The following INSIG2 variants were observed in gnomAD, a reference collection of about 807,000 sequenced individuals.
The protein encoded by INSIG2 is insulin induced gene 2, also known as insulin-induced gene 2 protein.
In INSIG2, 10 loss-of-function variants were observed where a neutral mutation model predicts 27.2. That is an observed-to-expected ratio of 0.37 (90% CI 0.23 to 0.62). INSIG2 has a LOEUF of 0.62. INSIG2 is among the 20% of genes least tolerant of loss of function. The pLI, the probability that INSIG2 is intolerant of heterozygous loss-of-function variation, is 0.65. For synonymous variants in INSIG2, 97 were observed against 95.8 expected, an observed-to-expected ratio of 1.01 and a Z score of -0.07; for missense variants, 178 against 270.2, an observed-to-expected ratio of 0.66 and a Z score of 2.39.
intron 2 of INSIG2, among the ~76,000 whole-genome samples, chr2:118,098,424 A>G (rs770273053): frequency 2.6e-5 from 4 of 152,152 alleles, no homozygotes; most frequent in Non-Finnish European, 5.9e-5. Context: ...GAGATGAAGA[A>G]AGAAAACCAG....
At chr2:118,101,979 T>C (rs1290607773) in intron 2 of INSIG2, among the ~76,000 whole-genome samples, 1 of 152,200 alleles carries the variant, frequency 6.6e-6, no homozygotes, top group Non-Finnish European at 1.5e-5. Context: ...TCTGCTAGGC[T>C]GTGATTTTTG....
intron 2 of INSIG2, among the ~76,000 whole-genome samples, chr2:118,102,036 G>A (rs1213897851): frequency 1.3e-5 from 2 of 152,182 alleles, no homozygotes; most frequent in Admixed American, 1.3e-4. Flanking sequence ...TGCATTGCCT[G>A]TGAGATACAG....
At chr2:118,097,579 A>G (rs893836952) in intron 2 of INSIG2, among the ~76,000 whole-genome samples, 2 of 152,170 alleles carry the variant, frequency 1.3e-5, no homozygotes, top group Non-Finnish European at 2.9e-5. Flanking sequence ...CATAGAGTAG[A>G]GCATTTCACA....
chr2:118,089,807 CAGTTCAGT>C (rs1365319583), intron 1 of INSIG2, among the ~76,000 whole-genome samples: 2 of 152,210 alleles, frequency 1.3e-5, no homozygotes, highest in Non-Finnish European at 2.9e-5. Context: ...GAATAAAATG[CAGTTCAGT>C]AGTTTAAAGA....
Position 118,109,530 on chromosome 2 carries a change from T to A in INSIG2, c.*1208T>A, listed in dbSNP as rs1678761743. The A allele has an allele frequency of 6.6e-6, 1 of 152,506 alleles. No individual in the cohort carries two copies. Among genetic ancestry groups the A allele is most frequent in the Non-Finnish European group, 1.5e-5 (1 of 68,042 alleles). 9.4% of individuals were successfully genotyped at this position (152,506 alleles called of 1,614,324 possible). On this transcript the variant is annotated 3_prime_UTR_variant, in exon 6 of 6. Transcript: ENST00000245787. ...CATATTCTTAGCTAATTTTTTCCATTAGTTTTTGAAATTGGTGGCAGTTGT... is the reference window on the plus strand; with the variant it reads ...CATATTCTTAGCTAATTTTTTCCATAAGTTTTTGAAATTGGTGGCAGTTGT...
Position 118,108,532 on chromosome 2 carries a change from T to G in INSIG2, c.*210T>G. ...CATCTGTAAATCAGTTGTAAACCTT[T>G]ACATATTTGACTTAAATAACTGTAA... On this transcript the variant is annotated 3_prime_UTR_variant, in exon 6 of 6. Coordinates refer to ENST00000245787, the MANE Select transcript of INSIG2 (RefSeq NM_016133.4). The G allele has an allele frequency of 2.3e-6, 1 of 425,584 alleles. No individual in the cohort carries two copies. The highest frequency in any genetic ancestry group is 4.2e-6 in the Non-Finnish European group (1 of 235,754). The allele number at this position is 425,584 out of a possible 1,614,324, so 26.4% of individuals were successfully genotyped here.
chr2:118,106,967 A>G, intron 4 of INSIG2, 64 bp downstream of exon 4: 1 of 1,567,500 alleles, frequency 6.4e-7, no homozygotes, highest in Non-Finnish European at 8.8e-7. Flanking sequence ...AACCGCTTTC[A>G]GAATTGAGAT....
chr2:118,106,544 G>A (rs1678676579), intron 3 of INSIG2, 193 bp from the exon 4 acceptor site: 2 of 512,906 alleles, frequency 3.9e-6, no homozygotes, highest in East Asian at 3.0e-5. Flanking sequence ...TGTCTTTTGT[G>A]TATCTGGTAT....
intron 2 of INSIG2, among the ~76,000 whole-genome samples, chr2:118,099,338 A>G (rs2161829): frequency 0.53 from 81,076 of 152,000 alleles, 21,826 homozygotes; most frequent in Middle Eastern, 0.6. Context: ...TGTGTGTAGA[A>G]AGTGCTCCTT....
intron 2 of INSIG2, among the ~76,000 whole-genome samples, chr2:118,100,382 T>TC (rs1289812727): frequency 2.2e-4 from 30 of 137,116 alleles, no homozygotes; most frequent in Admixed American, 5.1e-4. Flanking sequence ...CCTTTTTTTT[T>TC]TTTTTTTTTT....
intron 1 of INSIG2, among the ~76,000 whole-genome samples, chr2:118,092,780 ATGGG>A (rs1473299518): frequency 6.6e-6 from 1 of 151,932 alleles, no homozygotes; most frequent in African/African-American, 2.4e-5. Flanking sequence ...CCTTCCATAA[ATGGG>A]TGCCCTATAA....
intron 1 of INSIG2, among the ~76,000 whole-genome samples, chr2:118,090,456 A>G (rs1388751962): frequency 6.6e-6 from 1 of 152,238 alleles, no homozygotes; most frequent in East Asian, 1.9e-4. Context: ...ATAATCACTT[A>G]TAACTCTTTT....
intron 5 of INSIG2, among the ~76,000 whole-genome samples, chr2:118,107,705 T>C (rs933491499): frequency 6.6e-6 from 1 of 152,222 alleles, no homozygotes; most frequent in Non-Finnish European, 1.5e-5. Flanking sequence ...AGTGACTTAC[T>C]TTGCTGTATT....
rs577648785 is a variant in INSIG2 at position 118,107,154 on chromosome 2, A to G, written c.601A>G (p.Ile201Val). The change falls in exon 5 of 6, where the codon ATA becomes GTA. Residue 201 changes from isoleucine (I) to valine (V), a missense_variant. By Grantham distance (29) the Ile-to-Val change is conservative. Coordinates refer to ENST00000245787, the MANE Select transcript of INSIG2 (RefSeq NM_016133.4). ...ACCATGTATATTTTTTGCTGGAGGC[A>G]TAACAATGGGAAACATTGGTCGACA... ...WLPCIFFAGG[I>V]TMGNIGRQLA... The G allele has an allele frequency of 2.4e-5, 39 of 1,613,416 alleles. No individual in the cohort carries two copies. In the East Asian group the frequency reaches 4.2e-4, roughly 18 times the overall value.
intron 3 of INSIG2, among the ~76,000 whole-genome samples, chr2:118,104,758 CTG>C (rs1678632325): frequency 6.6e-6 from 1 of 152,174 alleles, no homozygotes; most frequent in South Asian, 2.1e-4. Context: ...AACCTCAAAA[CTG>C]TGTCAGTTCC....
Position 118,103,266 on chromosome 2 carries a change from G to C in INSIG2, c.314G>C (p.Trp105Ser). Residue 105 changes from tryptophan to serine, a missense_variant, in exon 3 of 6, where the codon TGG becomes TCG. Trp to Ser is a radical substitution (Grantham distance 177). Transcript: ENST00000245787. ...GAACCACATAAATTTAAAAGAGAGT[G>C]GTCCAGTGTAATGCGGTGTGTAGCA... The part of the protein sequence containing the change: ...LGEPHKFKRE[W>S]SSVMRCVAVF... 1 of 1,613,502 alleles carries C rather than the reference G, an allele frequency of 6.2e-7. No homozygotes were observed. The highest frequency in any genetic ancestry group is 8.5e-7 in the Non-Finnish European group (1 of 1,179,602).
intron 1 of INSIG2, 130 bp from the exon 2 acceptor site, chr2:118,096,289 T>G (rs1378213278): frequency 2.3e-5 from 7 of 306,370 alleles, no homozygotes; most frequent in African/African-American, 4.3e-5. Context: ...TGTTAGTAAT[T>G]TGAATAAATT....
intron 2 of INSIG2, among the ~76,000 whole-genome samples, chr2:118,101,301 A>G (rs1678538688): frequency 6.6e-6 from 1 of 152,130 alleles, no homozygotes. Flanking sequence ...AATGGATTTG[A>G]TTTTTATTGG....
chr2:118,107,831 T>A (rs1013173382), intron 5 of INSIG2, among the ~76,000 whole-genome samples: 2 of 152,202 alleles, frequency 1.3e-5, no homozygotes, highest in Non-Finnish European at 1.5e-5. Context: ...AAGCTTTTGT[T>A]AATGTAACAG....
Sources: allele counts gnomAD v4.1 joint callset (sites outside exome capture counted in the v4.1 genomes callset), GRCh38; gene constraint gnomAD v4.1.1; transcripts MANE v1.5; gene names NCBI Gene and HGNC (gene_info 2026-07-23, HGNC 2026-07-21).